The following ANKRD26 variants were observed in gnomAD, a reference collection of about 807,000 sequenced individuals.
ANKRD26 encodes ankyrin repeat domain-containing protein 26.
Under a neutral mutation model 208.7 loss-of-function variants are expected in ANKRD26, and 141 were observed. That is an observed-to-expected ratio of 0.68 (90% CI 0.59 to 0.78). ANKRD26 has a LOEUF of 0.78. Ranked by LOEUF, ANKRD26 falls within the 30% of genes least tolerant of loss-of-function variation. The pLI is 0.00. For synonymous variants in ANKRD26, 636 were observed against 660.4 expected (o/e 0.96, Z 0.57); for missense variants, 1,889 against 1,938.7 (o/e 0.97, Z 0.48).
intron 20 of ANKRD26, among the ~76,000 whole-genome samples, chr10:27,042,534 C>A (rs7095169): frequency 0.88 from 133,914 of 152,174 alleles, 59,269 homozygotes; most frequent in East Asian, 1. Context: ...CGGGTGGATC[C>A]GGAGGTCAGG....
chr10:26,981,364 G>A (rs1047079227), intron 4 of ANKRD26, among the ~76,000 whole-genome samples: 7 of 152,220 alleles, frequency 4.6e-5, no homozygotes, highest in Non-Finnish European at 1.0e-4. Context: ...GTGTGCTGAA[G>A]AGGGCTGTGT....
downstream of ANKRD26, among the ~76,000 whole-genome samples, chr10:26,987,235 A>T (rs940994967): frequency 6.6e-6 from 1 of 152,096 alleles, no homozygotes; most frequent in African/African-American, 2.4e-5. Context: ...AACAATGAGA[A>T]CACATGGACA....
In ANKRD26 at chr10:26,975,130, G is replaced by A. The variant is rs372314634; in HGVS notation, c.*1194C>T. Among the ~76,000 whole-genome samples the A allele has an allele frequency of 4.6e-5, 7 of 152,282 alleles. No homozygotes were observed. The South Asian group carries it at 1.0e-3, about 23-fold the overall frequency. On this transcript the variant is annotated 3_prime_UTR_variant and NMD_transcript_variant, in exon 6 of 6. Transcript: ENST00000674670. ...TTAACTAAAAGTGTATGTTAAATTAGGGGAATTGTTTGACTCTTTAACCAG... is the reference window on the plus strand; with the variant it reads ...TTAACTAAAAGTGTATGTTAAATTAAGGGAATTGTTTGACTCTTTAACCAG...
At chr10:27,028,466 G>A (rs1347009538) in intron 27 of ANKRD26, among the ~76,000 whole-genome samples, 6 of 150,954 alleles carry the variant, frequency 4.0e-5, no homozygotes, top group Non-Finnish European at 7.4e-5. Flanking sequence ...GTGTGGTGGC[G>A]GGCTCCTGTA....
At chr10:27,000,019 G>C (rs975640911), downstream of ANKRD26, among the ~76,000 whole-genome samples, 1 of 151,992 alleles carries the variant, frequency 6.6e-6, no homozygotes, top group Non-Finnish European at 1.5e-5. Context: ...CCTAGCAATG[G>C]GGCCCAGATT....
chr10:26,990,918 A>G (rs1778563348), downstream of ANKRD26, among the ~76,000 whole-genome samples: 1 of 152,238 alleles, frequency 6.6e-6, no homozygotes, highest in Non-Finnish European at 1.5e-5. Flanking sequence ...GTCATTAAAG[A>G]GAATTAGCAA....
At chr10:27,018,897 C>T (rs958816143) in intron 29 of ANKRD26, among the ~76,000 whole-genome samples, 1 of 152,066 alleles carries the variant, frequency 6.6e-6, no homozygotes, top group Non-Finnish European at 1.5e-5. Flanking sequence ...CTAGAAGAGA[C>T]AGGGAAATTG....
intron 5 of ANKRD26, among the ~76,000 whole-genome samples, chr10:26,979,751 T>G (rs1412699498): frequency 2.0e-5 from 3 of 152,210 alleles, no homozygotes; most frequent in African/African-American, 7.2e-5. Context: ...AGTTGTATCC[T>G]CCTGCTGTGG....
intron 21 of ANKRD26, 67 bp downstream of exon 21, chr10:27,039,898 A>G: frequency 2.7e-6 from 4 of 1,454,716 alleles, no homozygotes; most frequent in Non-Finnish European, 3.8e-6. Flanking sequence ...TAAGTCAGCA[A>G]TTACAAGAAT....
At position 27,035,217 on chromosome 10, in the gene ANKRD26, AT is replaced by A. The variant is rs1220184443; in HGVS notation, c.3232del (p.Ile1078LeufsTer17). 6.2e-7 allele frequency: 1 copy of A among 1,613,904 alleles called. No homozygotes were observed. The highest frequency in any genetic ancestry group is 1.7e-5 in the Admixed American group (1 of 59,982). ...GGCATCTCTCGTGTGATGGAACTCA[AT>A]TTCTAGGCTATTGAGTTTACTTTCA... ...KTESKLNSLE[I>X]EFHHTRDALR... On this transcript the variant is annotated frameshift_variant, in exon 24 of 34. Transcript: ENST00000376087. LOFTEE classifies it high-confidence loss of function.
intron 6 of ANKRD26, among the ~76,000 whole-genome samples, chr10:27,081,897 T>C (rs941874669): frequency 3.9e-5 from 6 of 151,910 alleles, no homozygotes; most frequent in South Asian, 4.2e-4. Flanking sequence ...CCACCACGCC[T>C]GGCTAATTCT....
Position 27,022,685 on chromosome 10 carries a change from A to C in ANKRD26, c.4088T>G (p.Phe1363Cys). The change falls in exon 29 of 34, where the codon TTT (phenylalanine) becomes TGT (cysteine). Residue 1363 changes from phenylalanine (F) to cysteine (C), a missense_variant and splice_region_variant. Transcript: ENST00000376087. ...TCTTGTCATTTTTAAGAGGTTCTTA[A>C]ATCTGCAGGAAGGTACAAAATGAGT... Reference protein sequence around the residue: ...NVELEREITGFKNLLKMTRKK... With the variant: ...NVELEREITGCKNLLKMTRKK... 6.3e-7 allele frequency: 1 copy of C among 1,582,800 alleles called. No individual in the cohort carries two copies. The highest frequency in any genetic ancestry group is 8.6e-7 in the Non-Finnish European group (1 of 1,158,036).
chr10:27,043,870 A>C (rs2054350569), intron 19 of ANKRD26, among the ~76,000 whole-genome samples: 2 of 151,458 alleles, frequency 1.3e-5, no homozygotes, highest in African/African-American at 2.4e-5. Flanking sequence ...TAGCTCTCTG[A>C]AGCTTCAAAC....
chr10:27,001,605 A>C (rs553071183), downstream of ANKRD26, among the ~76,000 whole-genome samples: 3 of 152,256 alleles, frequency 2.0e-5, no homozygotes, highest in South Asian at 6.2e-4. Context: ...TAGTGCAGAA[A>C]ATCTGGCCGC....
chr10:27,046,356 C>A lies in ANKRD26; in HGVS notation c.1982G>T (p.Gly661Val). 1 of 1,613,876 alleles carries A rather than the reference C, an allele frequency of 6.2e-7. No homozygotes were observed. The highest frequency in any genetic ancestry group is 1.1e-5 in the South Asian group (1 of 91,060). Residue 661 changes from glycine (G) to valine (V), a missense_variant, in exon 18 of 34, where the codon GGA (glycine) becomes GTA (valine). Coordinates refer to ENST00000376087, the MANE Select transcript of ANKRD26 (RefSeq NM_014915.3). ...SSLSEIDEDE[G>V]RPTKKTSNEK... is the part of the protein sequence containing the mutation. The stretch of plus-strand genomic sequence containing the variant: ...ATAAAGAAATCATAGATTTTACCTT[C>A]CTTCATCCTCATCTATTTCACTTAA...
chr10:27,051,368 TTTGGAGCA>T, intron 16 of ANKRD26: 1 of 1,237,780 alleles, frequency 8.1e-7, no homozygotes, highest in Non-Finnish European at 1.0e-6. Flanking sequence ...GATTCATTTC[TTTGGAGCA>T]GATCAAATCA....
intron 25 of ANKRD26, chr10:27,030,725 T>A (rs767164409): frequency 8.8e-5 from 31 of 352,448 alleles, no homozygotes; most frequent in Non-Finnish European, 1.2e-4. Context: ...TAAAATATAT[T>A]TAGAATAACC....
At chr10:27,071,976 A>T (rs1316780558) in intron 9 of ANKRD26, among the ~76,000 whole-genome samples, 1 of 152,144 alleles carries the variant, frequency 6.6e-6, no homozygotes, top group Non-Finnish European at 1.5e-5. Context: ...CAGCCAGCTG[A>T]CCCAGGCTGC....
chr10:27,070,899 T>G (rs1781565411), intron 9 of ANKRD26, among the ~76,000 whole-genome samples: 1 of 152,052 alleles, frequency 6.6e-6, no homozygotes, highest in Non-Finnish European at 1.5e-5. Flanking sequence ...ACTCCTGACC[T>G]CATAATCTGC....
Sources: gnomAD v4.1 joint callset for allele counts (sites outside exome capture counted in the v4.1 genomes callset) on GRCh38, gnomAD v4.1.1 for gene constraint, MANE v1.5 for transcripts, NCBI Gene and HGNC (gene_info 2026-07-23, HGNC 2026-07-21) for gene names.